CRIM1: variants seen among roughly 807,000 people sequenced by gnomAD.
CRIM1 encodes cysteine-rich motor neuron 1 protein.
Under a neutral mutation model 116.4 loss-of-function variants are expected in CRIM1, and 32 were observed. The ratio of observed to expected loss-of-function variants is 0.27; its 90% confidence interval spans 0.21 to 0.37. CRIM1 has a LOEUF of 0.37. CRIM1 is among the 10% of genes least tolerant of loss of function. The pLI, the probability that CRIM1 is intolerant of heterozygous loss-of-function variation, is 1.00. For synonymous variants in CRIM1, 590 were observed against 509.2 expected (o/e 1.16, Z -2.13); for missense variants, 1,331 against 1,354.8 (o/e 0.98, Z 0.28).
In CRIM1 at chr2:36,480,704, C is replaced by T. The variant is rs559926284; in HGVS notation, c.1372+1010C>T. Among the ~76,000 whole-genome samples the T allele has an allele frequency of 7.9e-5, 12 of 152,220 alleles. No individual in the cohort carries two copies. In the South Asian group the frequency reaches 1.5e-3, roughly 18 times the overall value. On this transcript the variant is annotated intron_variant, in intron 7 of 16. Transcript: ENST00000280527. ...TAGACTTATTAAAGACCTTAAAAAT[C>T]ATATAAAAGTTTAAGCTTGAGGCCT...
chr2:36,526,608 T>G (rs185533061), intron 13 of CRIM1, among the ~76,000 whole-genome samples: 11 of 152,090 alleles, frequency 7.2e-5, no homozygotes, highest in Non-Finnish European at 1.6e-4. Context: ...GGGATACTCA[T>G]ATCCCCATAT....
chr2:36,515,105 G>A (rs1480580328), intron 11 of CRIM1, among the ~76,000 whole-genome samples: 1 of 152,140 alleles, frequency 6.6e-6, no homozygotes, highest in African/African-American at 2.4e-5. Flanking sequence ...CTTTGGGGAG[G>A]GAAAAATCAT....
chr2:36,364,895 T>A (rs1039169036), intron 1 of CRIM1, among the ~76,000 whole-genome samples: 7 of 152,172 alleles, frequency 4.6e-5, no homozygotes, highest in Non-Finnish European at 8.8e-5. Context: ...ATAGATTTTT[T>A]AAAATAATAT....
chr2:36,456,298 C>T (rs543466681), intron 4 of CRIM1, among the ~76,000 whole-genome samples: 2 of 152,316 alleles, frequency 1.3e-5, no homozygotes, highest in Non-Finnish European at 2.9e-5. Flanking sequence ...TGCATGTACA[C>T]ACTCGGTAAA....
intron 1 of CRIM1, among the ~76,000 whole-genome samples, chr2:36,371,155 C>T (rs963441444): frequency 3.9e-5 from 6 of 152,210 alleles, no homozygotes; most frequent in African/African-American, 1.4e-4. Context: ...GTTGTCTTCA[C>T]GTCCTTTAAT....
Position 36,513,570 on chromosome 2 carries a change from G to C in CRIM1, c.1795G>C (p.Ala599Pro). The change falls in exon 11 of 17, where the codon GCT becomes CCT. Residue 599 changes from alanine to proline, a missense_variant. Coordinates refer to ENST00000280527, the MANE Select transcript of CRIM1 (RefSeq NM_016441.3). ...ICKCREASAS[A>P]GPPILSGTCL... ...TGTCTGTCCAGAGGCCTCTGCTTCA[G>C]CTGGGCCACCCATCCTGTCGGGCAC... is the stretch of plus-strand genomic sequence containing the variant. 1 of 1,614,162 alleles carries C rather than the reference G, an allele frequency of 6.2e-7. No individual in the cohort carries two copies. Among genetic ancestry groups the C allele is most frequent in the Admixed American group, 1.7e-5 (1 of 60,034 alleles).
chr2:36,443,304 C>T (rs907748930), intron 4 of CRIM1, among the ~76,000 whole-genome samples: 1 of 152,136 alleles, frequency 6.6e-6, no homozygotes, highest in Non-Finnish European at 1.5e-5. Flanking sequence ...TGCACTTAGC[C>T]CCCTAGAACT....
chr2:36,390,442 C>T (rs1305214550), intron 1 of CRIM1, among the ~76,000 whole-genome samples: 4 of 152,204 alleles, frequency 2.6e-5, no homozygotes, highest in Admixed American at 6.5e-5. Context: ...CTTTGCAGCC[C>T]TCCACACTCC....
At chr2:36,542,020 G>A (rs1453691620) in intron 14 of CRIM1, among the ~76,000 whole-genome samples, 1 of 152,164 alleles carries the variant, frequency 6.6e-6, no homozygotes, top group Non-Finnish European at 1.5e-5. Flanking sequence ...TCAAATTAAA[G>A]GGAAATGACT....
chr2:36,530,669 T>TG (rs1181552776), intron 13 of CRIM1, among the ~76,000 whole-genome samples: 1 of 152,222 alleles, frequency 6.6e-6, no homozygotes, highest in East Asian at 1.9e-4. Context: ...TGGTAATACT[T>TG]GGCTGCCTTT....
chr2:36,441,197 TTC>T, intron 2 of CRIM1, 59 bp from the exon 3 acceptor site: 1 of 1,603,670 alleles, frequency 6.2e-7, no homozygotes, highest in Non-Finnish European at 8.5e-7. Flanking sequence ...CTGTTTGTTC[TTC>T]TGTTGAAAGT....
At chr2:36,531,783 G>A in intron 13 of CRIM1, 1 of 397,518 alleles carries the variant, frequency 2.5e-6, no homozygotes, top group South Asian at 1.9e-5. Context: ...AACCCACACT[G>A]AATTTTCCAG....
At chr2:36,534,090 G>A (rs879325622) in intron 13 of CRIM1, among the ~76,000 whole-genome samples, 3 of 140,836 alleles carry the variant, frequency 2.1e-5, no homozygotes, top group African/African-American at 5.3e-5. Context: ...GGAGAGAGGG[G>A]AAAGGAAGGA....
chr2:36,382,084 C>T (rs77123440), intron 1 of CRIM1, among the ~76,000 whole-genome samples: 43,449 of 151,960 alleles, frequency 0.29, 7,323 homozygotes, highest in East Asian at 0.82. Flanking sequence ...TGCTCCTCTC[C>T]GGGATTAGGG....
At position 36,522,163 on chromosome 2, in the gene CRIM1, A is replaced by C. The variant is rs1419096816; in HGVS notation, c.2278A>C (p.Ile760Leu). The change falls in exon 13 of 17, where the codon ATA becomes CTA. Residue 760 changes from isoleucine (I) to leucine (L), a missense_variant. This residue lies in a region of CRIM1 where 358 missense variants were observed against 436.1 expected (regional missense o/e 0.82). Transcript: ENST00000280527. ...TTACTGCAAAAATGATGAAGGGGAT[A>C]TATTCCTGGCAGCTGAGTCCTGGAA... ...PNYCKNDEGDIFLAAESWKPD... is the reference protein window; with the variant it reads ...PNYCKNDEGDLFLAAESWKPD... 1 of 1,614,194 alleles carries C rather than the reference A, an allele frequency of 6.2e-7. No individual in the cohort carries two copies. Among genetic ancestry groups the C allele is most frequent in the Admixed American group, 1.7e-5 (1 of 60,024 alleles).
intron 1 of CRIM1, among the ~76,000 whole-genome samples, chr2:36,380,757 G>A (rs951004499): frequency 6.6e-6 from 1 of 152,202 alleles, no homozygotes; most frequent in African/African-American, 2.4e-5. Flanking sequence ...AATCAGTGAG[G>A]TCAGAGGACT....
At position 36,512,374 on chromosome 2, in the gene CRIM1, G is replaced by A; in HGVS notation, c.1760G>A (p.Cys587Tyr). The A allele has an allele frequency of 6.2e-7, 1 of 1,613,230 alleles. No homozygotes were observed. The highest frequency in any genetic ancestry group is 8.5e-7 in the Non-Finnish European group (1 of 1,179,308). Residue 587 changes from cysteine to tyrosine, a missense_variant, in exon 10 of 17, where the codon TGT (cysteine) becomes TAT (tyrosine). Transcript: ENST00000280527. ...GGTTTCCAGCAGGACAGTCACGGCTGTCTTATCTGCAAGTGCAGAGGTAAG... is the reference window on the plus strand; with the variant it reads ...GGTTTCCAGCAGGACAGTCACGGCTATCTTATCTGCAAGTGCAGAGGTAAG... ...PLGFQQDSHGCLICKCREASA... is the reference protein window; with the variant it reads ...PLGFQQDSHGYLICKCREASA...
At chr2:36,538,324 T>A (rs2125170369) in intron 14 of CRIM1, among the ~76,000 whole-genome samples, 1 of 152,280 alleles carries the variant, frequency 6.6e-6, no homozygotes, top group South Asian at 2.1e-4. Context: ...GCCCTCTCCC[T>A]GGGGACTGAC....
At chr2:36,477,956 A>G (rs1465057075) in intron 6 of CRIM1, among the ~76,000 whole-genome samples, 11 of 152,164 alleles carry the variant, frequency 7.2e-5, no homozygotes, top group Non-Finnish European at 1.5e-5. Context: ...CCAGAAAGGA[A>G]GGTCTTGTGA....
Sources: gnomAD v4.1 joint callset for allele counts (sites outside exome capture counted in the v4.1 genomes callset) on GRCh38, gnomAD v4.1.1 for gene constraint, gnomAD v4.1.1 regional missense constraint, MANE v1.5 for transcripts, NCBI Gene and HGNC (gene_info 2026-07-23, HGNC 2026-07-21) for gene names.